CUL2: variants seen among roughly 807,000 people sequenced by gnomAD.
CUL2 encodes the protein cullin-2.
In CUL2, 22 loss-of-function variants were observed where a neutral mutation model predicts 110.2. The observed-to-expected ratio is 0.20, with a 90% CI of 0.14 to 0.28. The LOEUF (loss-of-function observed/expected upper bound fraction) is 0.28, where lower values mean the gene tolerates loss of function less well. Ranked by LOEUF, CUL2 falls within the 10% of genes least tolerant of loss-of-function variation. The probability of loss-of-function intolerance (pLI) is 1.00; values close to 1 mark genes in which losing one functional copy is unlikely to be tolerated. For synonymous variants in CUL2, 279 were observed against 293.2 expected, an observed-to-expected ratio of 0.95 and a Z score of 0.49; for missense variants, 631 against 905.5, an observed-to-expected ratio of 0.70 and a Z score of 3.89.
chr10:35,065,408 C>G (rs1047044773), intron 2 of CUL2, among the ~76,000 whole-genome samples: 12 of 152,090 alleles, frequency 7.9e-5, no homozygotes, highest in African/African-American at 2.9e-4. Flanking sequence ...ATCATGAGGT[C>G]AGGAGATCGA....
At chr10:35,117,754 G>A (rs538234770) in intron 1 of CUL2, among the ~76,000 whole-genome samples, 146 of 152,310 alleles carry the variant, frequency 9.6e-4, no homozygotes, top group African/African-American at 3.3e-3. Flanking sequence ...TTCCATGAAA[G>A]TTGTAGGCAT....
At chr10:35,111,484 C>T (rs1044950249) in intron 1 of CUL2, among the ~76,000 whole-genome samples, 2 of 152,166 alleles carry the variant, frequency 1.3e-5, no homozygotes, top group African/African-American at 4.8e-5. Context: ...GTCTCAAACT[C>T]CTGGCCTCAA....
At chr10:35,106,232 C>A (rs114421775) in intron 1 of CUL2, among the ~76,000 whole-genome samples, 2,161 of 152,160 alleles carry the variant, frequency 0.014, 56 homozygotes, top group African/African-American at 0.049. Context: ...CATCTGTGAT[C>A]CACAGAGGGG....
At chr10:35,089,819 CA>C (rs67460702) in intron 1 of CUL2, 1,603 of 145,654 alleles carry the variant, frequency 0.011, 20 homozygotes, top group African/African-American at 0.034. Context: ...TGCCCCCCCC[CA>C]CACACACACA....
intron 16 of CUL2, among the ~76,000 whole-genome samples, chr10:35,026,551 A>G (rs1469506476): frequency 6.6e-6 from 1 of 152,190 alleles, no homozygotes; most frequent in African/African-American, 2.4e-5. Flanking sequence ...CTCTAAAAAC[A>G]TGTTTTACCT....
chr10:35,112,119 G>A (rs1203334929), intron 1 of CUL2, among the ~76,000 whole-genome samples: 3 of 152,178 alleles, frequency 2.0e-5, no homozygotes, highest in Non-Finnish European at 4.4e-5. Context: ...GTTCTTCAAA[G>A]TAAATCAAAT....
chr10:35,050,116 A>T (rs570375797), intron 5 of CUL2, among the ~76,000 whole-genome samples: 138 of 152,152 alleles, frequency 9.1e-4, no homozygotes, highest in Non-Finnish European at 1.6e-3. Flanking sequence ...AGGTCAGGAG[A>T]TCAAGACCAT....
At chr10:35,038,525 CAAAAAAAAAA>C (rs61022194) in intron 9 of CUL2, among the ~76,000 whole-genome samples, 1 of 65,508 alleles carries the variant, frequency 1.5e-5, no homozygotes, top group Non-Finnish European at 2.5e-5. Flanking sequence ...GACTCTGTCT[CAAAAAAAAAA>C]AAAAAAAAAA....
intron 17 of CUL2, among the ~76,000 whole-genome samples, chr10:35,017,159 C>T (rs1203756264): frequency 6.6e-6 from 1 of 152,034 alleles, no homozygotes; most frequent in Non-Finnish European, 1.5e-5. Context: ...ATGGAAAATG[C>T]TTTTGAGGCC....
At chr10:35,084,728 A>G (rs139538506) in intron 1 of CUL2, among the ~76,000 whole-genome samples, 18 of 152,286 alleles carry the variant, frequency 1.2e-4, no homozygotes, top group African/African-American at 4.3e-4. Flanking sequence ...TAACATTCCA[A>G]ATCGCTGCTT....
chr10:35,049,638 AC>A, intron 6 of CUL2, 44 bp downstream of exon 6: 1 of 1,511,266 alleles, frequency 6.6e-7, no homozygotes, highest in Non-Finnish European at 9.2e-7. Flanking sequence ...ACCATATCAA[AC>A]AACAAAATAA....
At chr10:35,051,842 C>T (rs1282788903) in intron 5 of CUL2, among the ~76,000 whole-genome samples, 1 of 152,094 alleles carries the variant, frequency 6.6e-6, no homozygotes, top group Non-Finnish European at 1.5e-5. Flanking sequence ...CACAGTCTGT[C>T]CCAGTAAATC....
At position 35,121,847 on chromosome 10, in the gene CUL2, C is replaced by T. The variant is rs537129076; in HGVS notation, c.-51+4758G>A. Among the ~76,000 whole-genome samples the T allele has an allele frequency of 4.0e-5, 6 of 151,142 alleles. No homozygotes were observed. In the South Asian group the frequency reaches 1.0e-3, roughly 26 times the overall value. On this transcript the variant is annotated intron_variant, in intron 1 of 5. Coordinates refer to the CUL2 transcript ENST00000685421. ...AAAAATAAAAATTAGTTTAGTTTAA[C>T]GACTGCAATCTTATAGTTTTAAATA...
chr10:35,074,231 T>C (rs1303640561), intron 1 of CUL2: 18 of 1,534,996 alleles, frequency 1.2e-5, no homozygotes, highest in Non-Finnish European at 1.6e-5. Flanking sequence ...GTACATAAAG[T>C]ACAAAGTTTG....
rs184938170 is a variant in CUL2, at chr10:35,087,461, T to C, written c.-23+2718A>G. Among the ~76,000 whole-genome samples the C allele has an allele frequency of 1.1e-3, 172 of 152,340 alleles. 2 individuals carry two copies. Among genetic ancestry groups the C allele is most frequent in the African/African-American group, 3.8e-3 (158 of 41,574 alleles). ...AAAGCTGGTGCTTGAGAAGCCCTCG[T>C]TGGATGGCTGAATCACTCCTTAACC... On this transcript the variant is annotated intron_variant, in intron 1 of 20. Transcript: ENST00000374749.
At chr10:35,125,722 C>A (rs907355640) in intron 1 of CUL2, among the ~76,000 whole-genome samples, 3 of 152,166 alleles carry the variant, frequency 2.0e-5, no homozygotes, top group Non-Finnish European at 4.4e-5. Flanking sequence ...TTTTTGTGGA[C>A]CTGCTGTAAG....
chr10:35,102,579 T>C (rs1322521140), intron 1 of CUL2, among the ~76,000 whole-genome samples: 1 of 143,142 alleles, frequency 7.0e-6, no homozygotes, highest in South Asian at 2.2e-4. Flanking sequence ...CTCAAAAAAA[T>C]AATAAAAAAT....
intron 1 of CUL2, among the ~76,000 whole-genome samples, chr10:35,115,271 A>C (rs576562637): frequency 1.3e-5 from 2 of 150,470 alleles, no homozygotes; most frequent in East Asian, 4.0e-4. Flanking sequence ...GAGCACAAAG[A>C]GAAAACAAGG....
chr10:35,025,884 T>C (rs1203576900), intron 16 of CUL2, among the ~76,000 whole-genome samples: 1 of 152,184 alleles, frequency 6.6e-6, no homozygotes, highest in Non-Finnish European at 1.5e-5. Context: ...AAAAATAAAC[T>C]GCATTATGCC....
Sources: allele counts gnomAD v4.1 joint callset (sites outside exome capture counted in the v4.1 genomes callset), GRCh38; gene constraint gnomAD v4.1.1; transcripts MANE v1.5; gene names NCBI Gene and HGNC (gene_info 2026-07-23, HGNC 2026-07-21).